Variants in GALNT13 observed in about 807,000 individuals in gnomAD.
GALNT13 encodes UDP-GalNAc:polypeptide N-acetylgalactosaminyltransferase 13.
GALNT13 carries 28 observed loss-of-function variants against 64.2 expected under a neutral mutation model. The ratio of observed to expected loss-of-function variants is 0.44; its 90% CI spans 0.32 to 0.60. GALNT13 has a LOEUF of 0.60. GALNT13 is among the 20% of genes least tolerant of loss of function. The pLI, the probability that GALNT13 is intolerant of heterozygous loss-of-function variation, is 0.05. For synonymous variants in GALNT13, 214 were observed against 224.6 expected, an observed-to-expected ratio of 0.95 and a Z score of 0.42; for missense variants, 577 against 669.8, an observed-to-expected ratio of 0.86 and a Z score of 1.53.
the GALNT13 span, among the ~76,000 whole-genome samples, chr2:153,532,971 C>G: frequency 1.3e-5 from 2 of 152,138 alleles, no homozygotes; most frequent in Non-Finnish European, 2.9e-5. Flanking sequence ...TCTCCATGAG[C>G]TAATTATTAG....
At chr2:153,956,527 A>C (rs988240055) in intron 3 of GALNT13, among the ~76,000 whole-genome samples, 3 of 152,134 alleles carry the variant, frequency 2.0e-5, no homozygotes, top group African/African-American at 7.2e-5. Context: ...TTAAATAACC[A>C]GTCATTTTAC....
chr2:153,806,563 A>G, the GALNT13 span, among the ~76,000 whole-genome samples: 1 of 152,030 alleles, frequency 6.6e-6, no homozygotes, highest in Admixed American at 6.6e-5. Context: ...AATGTCACAG[A>G]AAGAAAGGCA....
chr2:153,429,355 G>A, the GALNT13 span, among the ~76,000 whole-genome samples: 1 of 152,066 alleles, frequency 6.6e-6, no homozygotes, highest in Non-Finnish European at 1.5e-5. Context: ...GATTTACTGT[G>A]AACTTAGTGA....
intron 1 of GALNT13, among the ~76,000 whole-genome samples, chr2:153,881,675 C>CT (rs1686795210): frequency 6.6e-6 from 1 of 152,134 alleles, no homozygotes; most frequent in South Asian, 2.1e-4. Context: ...GTAAGGAAAA[C>CT]TAACTTCCAC....
chr2:154,260,446 G>GT (rs1690635300), intron 8 of GALNT13, among the ~76,000 whole-genome samples: 1 of 152,152 alleles, frequency 6.6e-6, no homozygotes. Flanking sequence ...TTTAAAATCA[G>GT]TAGGATGGCC....
At chr2:154,124,231 T>A (rs1274424057) in intron 3 of GALNT13, among the ~76,000 whole-genome samples, 2 of 152,104 alleles carry the variant, frequency 1.3e-5, no homozygotes, top group East Asian at 3.9e-4. Flanking sequence ...AAGCTGTATA[T>A]CTGTTATACA....
chr2:154,333,513 C>A (rs573051350), intron 9 of GALNT13, among the ~76,000 whole-genome samples: 30 of 152,166 alleles, frequency 2.0e-4, no homozygotes, highest in African/African-American at 6.5e-4. Flanking sequence ...TGATGTTTCT[C>A]ATTCGCCATT....
At position 154,378,335 on chromosome 2, in the gene GALNT13, T is replaced by G. The variant is rs191887067; in HGVS notation, c.1157-17656T>G. ...GAATGATTTGAGATGTGCAGCCTTG[T>G]GCCTTCACTTGAGACAATAAGGAAA... On this transcript the variant is annotated intron_variant, in intron 9 of 12. Coordinates refer to ENST00000392825, the MANE Select transcript of GALNT13 (RefSeq NM_052917.4). Among the ~76,000 whole-genome samples, 24 of 152,306 alleles carry G rather than the reference T, an allele frequency of 1.6e-4. No individual in the cohort carries two copies. In the East Asian group the frequency reaches 4.4e-3, roughly 28 times the overall value.
At chr2:153,301,457 A>C in the GALNT13 span, among the ~76,000 whole-genome samples, 1 of 152,026 alleles carries the variant, frequency 6.6e-6, no homozygotes, top group Non-Finnish European at 1.5e-5. Context: ...TTGTGTACAC[A>C]TTGGTTTGAT....
the GALNT13 span, among the ~76,000 whole-genome samples, chr2:153,562,439 CTG>C: frequency 1.3e-5 from 2 of 152,262 alleles, no homozygotes; most frequent in East Asian, 3.9e-4. Flanking sequence ...AATTCATACA[CTG>C]TGTCTGTCTT....
At chr2:154,374,814 T>A (rs1248486941) in intron 9 of GALNT13, among the ~76,000 whole-genome samples, 1 of 152,206 alleles carries the variant, frequency 6.6e-6, no homozygotes, top group Non-Finnish European at 1.5e-5. Context: ...TTTATTTTTT[T>A]AACTACCCTT....
chr2:154,062,834 T>C (rs1700260232), intron 3 of GALNT13, among the ~76,000 whole-genome samples: 1 of 144,412 alleles, frequency 6.9e-6, no homozygotes, highest in Admixed American at 7.1e-5. Flanking sequence ...TTTCAGGATA[T>C]TTAATTCAAC....
intron 3 of GALNT13, among the ~76,000 whole-genome samples, chr2:153,969,428 AT>A (rs999402205): frequency 6.6e-6 from 1 of 152,064 alleles, no homozygotes; most frequent in African/African-American, 2.4e-5. Context: ...CATGATCTCT[AT>A]TTAAACATTT....
the GALNT13 span, among the ~76,000 whole-genome samples, chr2:153,331,522 C>T: frequency 7.9e-5 from 12 of 152,156 alleles, no homozygotes; most frequent in East Asian, 1.9e-4. Context: ...AGAACCAGTC[C>T]GAGCCCCAAA....
chr2:153,958,708 G>A (rs1187080672), intron 3 of GALNT13, among the ~76,000 whole-genome samples: 1 of 152,146 alleles, frequency 6.6e-6, no homozygotes, highest in African/African-American at 2.4e-5. Flanking sequence ...TAGGTAGCAA[G>A]GTGTTACAAA....
At chr2:153,842,633 G>A in the GALNT13 span, among the ~76,000 whole-genome samples, 5 of 151,602 alleles carry the variant, frequency 3.3e-5, no homozygotes, top group Non-Finnish European at 5.9e-5. Context: ...CAGAACCTCA[G>A]TTTATCCTTC....
chr2:153,290,295 G>A, the GALNT13 span, among the ~76,000 whole-genome samples: 2 of 152,130 alleles, frequency 1.3e-5, no homozygotes, highest in African/African-American at 4.8e-5. Flanking sequence ...CAGAGATGTT[G>A]TTAGTACCAA....
In GALNT13 at chr2:154,116,983, G is replaced by A. The variant is rs75768414; in HGVS notation, c.143-23354G>A. ...GGCCAGCTGCAAGCTGAGGAGCAAGGAGAGCCTATCCAAGTCCCAAAACTG... is the reference window on the plus strand; with the variant it reads ...GGCCAGCTGCAAGCTGAGGAGCAAGAAGAGCCTATCCAAGTCCCAAAACTG... On this transcript the variant is annotated intron_variant, in intron 3 of 12. Coordinates refer to ENST00000392825, the MANE Select transcript of GALNT13 (RefSeq NM_052917.4). 3.1e-3 allele frequency among the ~76,000 whole-genome samples: 470 copies of A among 152,220 alleles called. 1 individual carries two copies. The highest frequency in any genetic ancestry group is 0.01 in the Middle Eastern group (3 of 294).
At chr2:153,205,528 C>A in the GALNT13 span, among the ~76,000 whole-genome samples, 1 of 151,958 alleles carries the variant, frequency 6.6e-6, no homozygotes, top group Admixed American at 6.6e-5. Flanking sequence ...TCATATTTAT[C>A]CATCTTCATA....
Sources: allele counts gnomAD v4.1 joint callset (sites outside exome capture counted in the v4.1 genomes callset), GRCh38; gene constraint gnomAD v4.1.1; transcripts MANE v1.5; gene names NCBI Gene and HGNC (gene_info 2026-07-23, HGNC 2026-07-21).